The following CDK6 variants were observed in gnomAD, a reference collection of about 807,000 sequenced individuals.
The protein encoded by CDK6 is cyclin-dependent kinase 6.
Under a neutral mutation model 37.1 loss-of-function variants are expected in CDK6, and 6 were observed. That is an observed-to-expected ratio of 0.16 (90% CI 0.09 to 0.32). CDK6 has a LOEUF of 0.32. CDK6 is among the 10% of genes least tolerant of loss of function. The pLI, the probability that CDK6 is intolerant of heterozygous loss-of-function variation, is 1.00. For missense variants in CDK6, 224 were observed against 418.9 expected (o/e 0.53, Z 4.06); for synonymous variants, 160 against 161.3 (o/e 0.99, Z 0.06).
rs3731369 is a variant in CDK6, at chr7:92,619,317, G to T, written c.699-1110C>A. ...ACTTACATAACTTATACATTGTATA[G>T]ATATTATTTATAGTTTACATATAGG... On this transcript the variant is annotated intron_variant, in intron 6 of 7. Coordinates refer to ENST00000424848, the MANE Select transcript of CDK6 (RefSeq NM_001145306.2). Among the ~76,000 whole-genome samples the T allele has an allele frequency of 5.5e-3, 838 of 152,220 alleles. 32 individuals carry two copies. The highest frequency in any genetic ancestry group is 0.046 in the Admixed American group (705 of 15,284).
chr7:92,687,826 T>G (rs1554403161), intron 4 of CDK6, among the ~76,000 whole-genome samples: 1 of 152,190 alleles, frequency 6.6e-6, no homozygotes, highest in Non-Finnish European at 1.5e-5. Flanking sequence ...ATACCATTCC[T>G]GCACCCCTAT....
intron 4 of CDK6, among the ~76,000 whole-genome samples, chr7:92,672,184 G>GACACAGACACACAC (rs1175195840): frequency 2.3e-5 from 1 of 44,140 alleles, no homozygotes; most frequent in Non-Finnish European, 3.7e-5. Context: ...CACACACACA[G>GACACAGACACACAC]ACACATACAC....
chr7:92,788,260 C>T (rs1053911071), intron 2 of CDK6, among the ~76,000 whole-genome samples: 33 of 152,208 alleles, frequency 2.2e-4, no homozygotes, highest in African/African-American at 6.3e-4. Context: ...ATGGTGTTAA[C>T]GGTAATGAAA....
At chr7:92,700,843 C>T (rs568969061) in intron 4 of CDK6, among the ~76,000 whole-genome samples, 2 of 152,314 alleles carry the variant, frequency 1.3e-5, no homozygotes, top group South Asian at 2.1e-4. Flanking sequence ...CAAGAAATAA[C>T]GAATAGAGAA....
intron 5 of CDK6, among the ~76,000 whole-genome samples, chr7:92,636,667 T>C (rs2116524519): frequency 6.6e-6 from 1 of 152,260 alleles, no homozygotes; most frequent in Non-Finnish European, 1.5e-5. Context: ...AGATAAAATA[T>C]TTATGAAATA....
chr7:92,640,521 T>C (rs1796279609), intron 5 of CDK6, among the ~76,000 whole-genome samples: 1 of 152,216 alleles, frequency 6.6e-6, no homozygotes, highest in African/African-American at 2.4e-5. Flanking sequence ...TTTCTATGAC[T>C]GAAGGCTTTG....
intron 5 of CDK6, among the ~76,000 whole-genome samples, chr7:92,639,452 G>A (rs1796251382): frequency 6.6e-6 from 1 of 152,170 alleles, no homozygotes; most frequent in East Asian, 1.9e-4. Flanking sequence ...CTTCCTTCAA[G>A]AAAAGCTTTC....
chr7:92,830,538 C>A (rs61077253), intron 2 of CDK6, among the ~76,000 whole-genome samples: 2,497 of 152,186 alleles, frequency 0.016, 77 homozygotes, highest in African/African-American at 0.057. Flanking sequence ...GGTTTGGGGA[C>A]CCAACTTTGA....
At chr7:92,693,970 G>A (rs751535885) in intron 4 of CDK6, among the ~76,000 whole-genome samples, 8 of 152,254 alleles carry the variant, frequency 5.3e-5, no homozygotes, top group Non-Finnish European at 1.0e-4. Context: ...TGTACAAAAC[G>A]TCTGTTCATA....
intron 4 of CDK6, among the ~76,000 whole-genome samples, chr7:92,705,093 G>T (rs1346056977): frequency 1.3e-5 from 2 of 152,084 alleles, no homozygotes; most frequent in African/African-American, 4.8e-5. Context: ...GAATCTGTTT[G>T]GACATTTTTA....
chr7:92,641,701 C>T (rs1796309720), intron 5 of CDK6, among the ~76,000 whole-genome samples: 1 of 152,088 alleles, frequency 6.6e-6, no homozygotes, highest in African/African-American at 2.4e-5. Flanking sequence ...ATTGCTGATC[C>T]TACATGGTTC....
At chr7:92,810,560 T>C (rs916937739) in intron 2 of CDK6, among the ~76,000 whole-genome samples, 4 of 152,332 alleles carry the variant, frequency 2.6e-5, no homozygotes, top group African/African-American at 9.6e-5. Context: ...ACAACTGTCA[T>C]GACGAAAAGA....
Position 92,608,670 on chromosome 7 carries a change from C to CT in CDK6, c.*6469dup. 4.3e-6 allele frequency: 1 copy of CT among 231,432 alleles called. No homozygotes were observed. The highest frequency in any genetic ancestry group is 2.2e-5 in the African/African-American group (1 of 45,344). 14.3% of individuals were successfully genotyped at this position (231,432 alleles called of 1,614,324 possible). Reference sequence around the variant, plus strand: ...CGAACTTTCGGAGAATTGTGTTGTACTTATTTATGCACAGAAGACACCCGT... The same window carrying CT: ...CGAACTTTCGGAGAATTGTGTTGTACTTTATTTATGCACAGAAGACACCCGT... On this transcript the variant is annotated 3_prime_UTR_variant, in exon 8 of 8. Transcript: ENST00000424848.
At chr7:92,659,319 T>G (rs574133179) in intron 5 of CDK6, among the ~76,000 whole-genome samples, 3 of 152,304 alleles carry the variant, frequency 2.0e-5, no homozygotes, top group Admixed American at 6.5e-5. Flanking sequence ...TTTGAACAGT[T>G]AGTAAAAAGA....
rs1795501749 is a variant in CDK6 at position 92,609,037 on chromosome 7, G to C, written c.*6103C>G. ...CTGGACTCTAGTTCCTGGGAGCAGA[G>C]GGGCGAATGAGGCGGGGGATTTCTC... On this transcript the variant is annotated 3_prime_UTR_variant, in exon 8 of 8. Transcript: ENST00000424848. 2 of 233,386 alleles carry C rather than the reference G, an allele frequency of 8.6e-6. No homozygotes were observed. Among genetic ancestry groups the C allele is most frequent in the African/African-American group, 4.4e-5 (2 of 45,352 alleles). 14.5% of individuals were successfully genotyped at this position (233,386 alleles called of 1,614,324 possible). A position where few individuals can be genotyped will look rare whatever the true frequency, so the allele number is the denominator to read the frequency against.
intron 2 of CDK6, among the ~76,000 whole-genome samples, chr7:92,779,679 A>C (rs886628960): frequency 6.6e-6 from 1 of 152,202 alleles, no homozygotes; most frequent in Non-Finnish European, 1.5e-5. Context: ...CTACAGACCT[A>C]GTACTCCATG....
intron 5 of CDK6, among the ~76,000 whole-genome samples, chr7:92,656,393 T>C (rs571250240): frequency 5.3e-5 from 8 of 152,096 alleles, no homozygotes; most frequent in Non-Finnish European, 1.0e-4. Flanking sequence ...GTTACTTGGT[T>C]TGTCACTACC....
intron 5 of CDK6, among the ~76,000 whole-genome samples, chr7:92,666,284 G>C (rs1796954793): frequency 1.3e-5 from 2 of 152,178 alleles, no homozygotes; most frequent in South Asian, 4.2e-4. Flanking sequence ...TCCCACCTCT[G>C]GTTAATTAAC....
chr7:92,761,439 G>C (rs1799455257), intron 3 of CDK6, among the ~76,000 whole-genome samples: 1 of 152,074 alleles, frequency 6.6e-6, no homozygotes, highest in Non-Finnish European at 1.5e-5. Context: ...CCTGTTTCTA[G>C]CAAAATTTAC....
Sources: gnomAD v4.1 joint callset for allele counts (sites outside exome capture counted in the v4.1 genomes callset) on GRCh38, gnomAD v4.1.1 for gene constraint, MANE v1.5 for transcripts, NCBI Gene and HGNC (gene_info 2026-07-23, HGNC 2026-07-21) for gene names.